The following MERTK variants were observed in gnomAD, a reference collection of about 807,000 sequenced individuals.
MERTK encodes tyrosine-protein kinase Mer.
In MERTK, 69 loss-of-function variants were observed where a neutral mutation model predicts 99.3. The ratio of observed to expected loss-of-function variants is 0.70; its 90% CI spans 0.57 to 0.85. The LOEUF (loss-of-function observed/expected upper bound fraction) is 0.85, where lower values mean the gene tolerates loss of function less well. MERTK is among the 40% of genes least tolerant of loss of function. The pLI is 0.00. For synonymous variants in MERTK, 426 were observed against 467.6 expected (o/e 0.91, Z 1.15); for missense variants, 1,125 against 1,249.4 (o/e 0.90, Z 1.50).
intron 1 of MERTK, among the ~76,000 whole-genome samples, chr2:111,908,875 C>A (rs1466440730): frequency 6.6e-6 from 1 of 152,138 alleles, no homozygotes; most frequent in South Asian, 2.1e-4. Context: ...AGTCTCATAC[C>A]AGCTGAGTCT....
At chr2:111,987,989 CTTTT>C (rs3077010) in intron 8 of MERTK, among the ~76,000 whole-genome samples, 11 of 133,236 alleles carry the variant, frequency 8.3e-5, no homozygotes, top group Middle Eastern at 3.7e-3. Context: ...ATAGAACTAA[CTTTT>C]TTTTTTTTTT....
intron 1 of MERTK, among the ~76,000 whole-genome samples, chr2:111,906,701 A>T (rs1179188984): frequency 1.8e-4 from 28 of 152,402 alleles, no homozygotes; most frequent in African/African-American, 6.7e-4. Context: ...CATGATTTGA[A>T]GATTTGGTGA....
At chr2:111,997,836 G>A (rs1372413182) in intron 10 of MERTK, among the ~76,000 whole-genome samples, 1 of 152,226 alleles carries the variant, frequency 6.6e-6, no homozygotes, top group East Asian at 1.9e-4. Flanking sequence ...CGGATCACTT[G>A]AGGTCAGGAG....
chr2:111,926,751 G>C (rs111729266), intron 1 of MERTK, among the ~76,000 whole-genome samples: 178 of 152,264 alleles, frequency 1.2e-3, no homozygotes, highest in African/African-American at 4.1e-3. Flanking sequence ...CAAAAACAAA[G>C]CCTACATGAG....
intron 5 of MERTK, among the ~76,000 whole-genome samples, chr2:111,966,008 C>T (rs2104723414): frequency 6.6e-6 from 1 of 152,290 alleles, no homozygotes; most frequent in South Asian, 2.1e-4. Flanking sequence ...AGGTGTTAAA[C>T]TTGAAATTTG....
intron 2 of MERTK, chr2:111,940,398 T>C (rs1684840171): frequency 1.9e-6 from 1 of 529,318 alleles, no homozygotes; most frequent in Non-Finnish European, 3.8e-6. Flanking sequence ...TCTGTAGCTG[T>C]CTGAGCTCTT....
intron 15 of MERTK, among the ~76,000 whole-genome samples, chr2:112,012,975 C>A (rs980659470): frequency 6.6e-6 from 1 of 152,138 alleles, no homozygotes; most frequent in Non-Finnish European, 1.5e-5. Flanking sequence ...TTCCAGCTGA[C>A]GTTGTTGGTA....
Position 111,916,583 on chromosome 2 carries a change from T to C in MERTK, c.62-12537T>C, listed in dbSNP as rs1684355566. ...TTAAAAAGATCTTCTATTTCTTTAC[T>C]GAGACTTTGTATTTCTTTGCTGTGG... On this transcript the variant is annotated intron_variant, in intron 1 of 18. Transcript: ENST00000295408. Among the ~76,000 whole-genome samples, 3 of 152,338 alleles carry C rather than the reference T, an allele frequency of 2.0e-5. No homozygotes were observed. In the South Asian group the frequency reaches 6.2e-4, roughly 32 times the overall value.
At chr2:111,990,147 G>A (rs1018034747) in intron 8 of MERTK, among the ~76,000 whole-genome samples, 1 of 151,964 alleles carries the variant, frequency 6.6e-6, no homozygotes, top group Non-Finnish European at 1.5e-5. Flanking sequence ...AAATACTTGG[G>A]GATATGAATT....
intron 8 of MERTK, among the ~76,000 whole-genome samples, chr2:111,990,072 A>G (rs1445827956): frequency 1.3e-5 from 2 of 152,174 alleles, no homozygotes; most frequent in Non-Finnish European, 2.9e-5. Context: ...GATAATACAC[A>G]TGGGGTAGCG....
intron 1 of MERTK, among the ~76,000 whole-genome samples, chr2:111,899,368 C>T (rs112369531): frequency 1.8e-3 from 273 of 152,340 alleles, no homozygotes; most frequent in African/African-American, 6.3e-3. Context: ...CCAATGGGCC[C>T]TTACGGGCAT....
chr2:111,997,105 GTA>G, intron 9 of MERTK: 1 of 711,060 alleles, frequency 1.4e-6, no homozygotes, highest in Non-Finnish European at 2.6e-6. Flanking sequence ...TTTGATCTAT[GTA>G]TATGTTATGG....
intron 5 of MERTK, 95 bp downstream of exon 5, chr2:111,965,372 T>G (rs902980187): frequency 8.7e-7 from 1 of 1,145,008 alleles, no homozygotes; most frequent in Non-Finnish European, 1.3e-6. Flanking sequence ...GGATCCTGGC[T>G]TTCTCACTGT....
At chr2:111,916,403 G>A (rs1684350579) in intron 1 of MERTK, among the ~76,000 whole-genome samples, 2 of 152,018 alleles carry the variant, frequency 1.3e-5, no homozygotes, top group Admixed American at 6.6e-5. Context: ...ATTTTTTTCA[G>A]TCTCTTCTCA....
At chr2:111,923,191 C>T (rs910404964) in intron 1 of MERTK, among the ~76,000 whole-genome samples, 2 of 152,196 alleles carry the variant, frequency 1.3e-5, no homozygotes, top group Non-Finnish European at 2.9e-5. Flanking sequence ...CACCTCCAGC[C>T]TTCAAGGAAG....
intron 1 of MERTK, among the ~76,000 whole-genome samples, chr2:111,906,466 C>CA (rs1684138011): frequency 6.6e-6 from 1 of 152,208 alleles, no homozygotes; most frequent in Non-Finnish European, 1.5e-5. Flanking sequence ...CAAGTAAGAA[C>CA]AGGCTGTCTT....
chr2:112,004,834 G>A (rs574074213), intron 13 of MERTK, among the ~76,000 whole-genome samples: 7 of 150,588 alleles, frequency 4.6e-5, no homozygotes, highest in Non-Finnish European at 7.4e-5. Flanking sequence ...CTCGGGAGGC[G>A]GAAGTTGCAT....
chr2:112,012,491 G>A (rs1044990297), intron 15 of MERTK, among the ~76,000 whole-genome samples: 12 of 152,212 alleles, frequency 7.9e-5, no homozygotes, highest in African/African-American at 2.9e-4. Context: ...GCTGCATGGA[G>A]TTGCTTTCTA....
intron 8 of MERTK, 79 bp downstream of exon 8, chr2:111,983,072 T>C: frequency 6.3e-7 from 1 of 1,580,188 alleles, no homozygotes; most frequent in South Asian, 1.1e-5. Flanking sequence ...GAAGCTTTCA[T>C]TTGGTTTTGA....
Sources: gnomAD v4.1 joint callset for allele counts (sites outside exome capture counted in the v4.1 genomes callset) on GRCh38, gnomAD v4.1.1 for gene constraint, MANE v1.5 for transcripts, NCBI Gene and HGNC (gene_info 2026-07-23, HGNC 2026-07-21) for gene names.